GABRG3: variants seen among roughly 807,000 people sequenced by gnomAD.
GABRG3 encodes gamma-aminobutyric acid receptor subunit gamma-3.
GABRG3 carries 25 observed loss-of-function variants against 48.8 expected under a neutral mutation model. The ratio of observed to expected loss-of-function variants is 0.51; its 90% confidence interval spans 0.37 to 0.72. The LOEUF is 0.72. GABRG3 is among the 30% of genes least tolerant of loss of function. The pLI is 0.00. For synonymous variants in GABRG3, 227 were observed against 217.6 expected (o/e 1.04, Z -0.38); for missense variants, 394 against 577.9 (o/e 0.68, Z 3.26).
intron 6 of GABRG3, among the ~76,000 whole-genome samples, chr15:27,497,512 C>T (rs559199082): frequency 2.0e-3 from 303 of 152,230 alleles, no homozygotes; most frequent in South Asian, 1.0e-2. Context: ...CTCATGCTTT[C>T]GCCTTGGAAA....
intron 3 of GABRG3, among the ~76,000 whole-genome samples, chr15:27,164,928 C>T (rs566466175): frequency 2.6e-5 from 4 of 152,224 alleles, no homozygotes; most frequent in South Asian, 2.1e-4. Flanking sequence ...TCGTATCAAG[C>T]GATGTTGCTT....
intron 5 of GABRG3, among the ~76,000 whole-genome samples, chr15:27,459,919 G>A (rs749687970): frequency 5.3e-5 from 8 of 151,860 alleles, no homozygotes; most frequent in African/African-American, 7.3e-5. Context: ...ATTTATAGTC[G>A]CTTGTTTCTG....
chr15:27,016,585 C>G (rs2140671636), intron 2 of GABRG3, among the ~76,000 whole-genome samples: 1 of 152,032 alleles, frequency 6.6e-6, no homozygotes, highest in East Asian at 1.9e-4. Flanking sequence ...TTGTAGATCT[C>G]TTTATTTTTA....
chr15:27,276,876 CAT>C (rs1024178154), intron 3 of GABRG3, among the ~76,000 whole-genome samples: 147 of 152,302 alleles, frequency 9.7e-4, no homozygotes, highest in Non-Finnish European at 1.3e-3. Context: ...ATTGGGATCA[CAT>C]GTTTTATGAG....
intron 5 of GABRG3, among the ~76,000 whole-genome samples, chr15:27,393,894 A>G (rs1887223178): frequency 1.3e-5 from 2 of 152,304 alleles, no homozygotes; most frequent in South Asian, 2.1e-4. Flanking sequence ...CTTTTGACCT[A>G]CAAATCTGTA....
At chr15:27,471,595 G>A (rs1356398118) in intron 5 of GABRG3, among the ~76,000 whole-genome samples, 1 of 152,204 alleles carries the variant, frequency 6.6e-6, no homozygotes, top group Non-Finnish European at 1.5e-5. Context: ...TAAAGGCAAG[G>A]TGGAGTCAGT....
intron 3 of GABRG3, among the ~76,000 whole-genome samples, chr15:27,112,907 A>G (rs761272377): frequency 3.9e-5 from 6 of 152,156 alleles, no homozygotes; most frequent in Admixed American, 6.5e-5. Context: ...ACAGCTAGCA[A>G]TCCCTTACAA....
chr15:27,253,429 G>C (rs774174649), intron 3 of GABRG3, among the ~76,000 whole-genome samples: 1 of 152,188 alleles, frequency 6.6e-6, no homozygotes, highest in Non-Finnish European at 1.5e-5. Context: ...TCCCCAAGCT[G>C]TCCACTCAGC....
chr15:27,107,201 A>G (rs1897464943), intron 3 of GABRG3, among the ~76,000 whole-genome samples: 1 of 152,048 alleles, frequency 6.6e-6, no homozygotes, highest in African/African-American at 2.4e-5. Flanking sequence ...GGATTTTTAT[A>G]TATTACTTTT....
rs545673438 is a variant in GABRG3, at chr15:27,111,915, T to C, written c.270+85094T>C. Among the ~76,000 whole-genome samples the C allele has an allele frequency of 9.2e-5, 14 of 151,872 alleles. No homozygotes were observed. In the East Asian group the frequency reaches 2.5e-3, roughly 27 times the overall value. ...TTGCAAAGTGATTTCCCCAGGAGAG[T>C]AGGCCTTTTCATGGAGAAGGTTCTA... is the stretch of plus-strand genomic sequence containing the variant. On this transcript the variant is annotated intron_variant, in intron 3 of 9. Coordinates refer to ENST00000615808, the MANE Select transcript of GABRG3 (RefSeq NM_033223.5).
chr15:27,120,874 C>T (rs948231843), intron 3 of GABRG3, among the ~76,000 whole-genome samples: 37 of 151,976 alleles, frequency 2.4e-4, no homozygotes, highest in Admixed American at 2.4e-3. Context: ...AGCTAATCTC[C>T]CCAGTTGTTA....
chr15:27,262,856 G>A (rs1161120814), intron 3 of GABRG3, among the ~76,000 whole-genome samples: 1 of 152,174 alleles, frequency 6.6e-6, no homozygotes, highest in Non-Finnish European at 1.5e-5. Context: ...AGATAACAGA[G>A]AGTGCACTAA....
At chr15:27,494,730 G>C (rs10152410) in intron 6 of GABRG3, among the ~76,000 whole-genome samples, 25 of 151,624 alleles carry the variant, frequency 1.6e-4, no homozygotes, top group Non-Finnish European at 1.3e-4. Flanking sequence ...TATCTTTTTG[G>C]GGGGGCCGGT....
chr15:27,355,881 T>A (rs1172969985), intron 5 of GABRG3, among the ~76,000 whole-genome samples: 1 of 152,172 alleles, frequency 6.6e-6, no homozygotes, highest in African/African-American at 2.4e-5. Flanking sequence ...GACAGTATGA[T>A]TCCACTTATA....
intron 5 of GABRG3, among the ~76,000 whole-genome samples, chr15:27,435,413 T>C (rs1325584763): frequency 1.3e-5 from 2 of 152,140 alleles, no homozygotes; most frequent in African/African-American, 2.4e-5. Context: ...TAAATAAATG[T>C]GTGTTGCTCT....
intron 3 of GABRG3, among the ~76,000 whole-genome samples, chr15:27,091,253 CTTCA>C (rs1259931124): frequency 2.0e-5 from 3 of 152,080 alleles, no homozygotes; most frequent in African/African-American, 7.2e-5. Context: ...TTGTTTTTCT[CTTCA>C]TTCTGTTAAT....
At chr15:27,099,544 G>C (rs1897321143) in intron 3 of GABRG3, among the ~76,000 whole-genome samples, 1 of 152,032 alleles carries the variant, frequency 6.6e-6, no homozygotes, top group Non-Finnish European at 1.5e-5. Flanking sequence ...CGTCTTTGAA[G>C]ACCCAATCTC....
intron 3 of GABRG3, among the ~76,000 whole-genome samples, chr15:27,137,306 A>G (rs960300217): frequency 8.5e-5 from 13 of 152,166 alleles, no homozygotes; most frequent in African/African-American, 3.1e-4. Context: ...TCTCCAATGA[A>G]ATACACATGG....
rs933119207 is a variant in GABRG3, at chr15:27,536,033, T to C, written c.*3152T>C. 4 of 152,238 alleles carry C rather than the reference T, an allele frequency of 2.6e-5. No individual in the cohort carries two copies. Among genetic ancestry groups the C allele is most frequent in the Admixed American group, 2.6e-4 (4 of 15,280 alleles). 9.4% of individuals were successfully genotyped at this position (152,238 alleles called of 1,614,324 possible). A position where few individuals can be genotyped will look rare whatever the true frequency, so the allele number is the denominator to read the frequency against. ...GTGATCTGCATTCCAAAGGTGCTAC[T>C]GTGTTCCTCACTTTCAGAAATACTC... On this transcript the variant is annotated 3_prime_UTR_variant, in exon 10 of 10. Transcript: ENST00000615808.
Sources: gnomAD v4.1 joint callset for allele counts (sites outside exome capture counted in the v4.1 genomes callset) on GRCh38, gnomAD v4.1.1 for gene constraint, MANE v1.5 for transcripts, NCBI Gene and HGNC (gene_info 2026-07-23, HGNC 2026-07-21) for gene names.